SMYD3: variants seen among roughly 807,000 people sequenced by gnomAD.
The protein encoded by SMYD3 is SET and MYND domain containing 3.
SMYD3 carries 36 observed loss-of-function variants against 57.7 expected under a neutral mutation model. The ratio of observed to expected loss-of-function variants is 0.62; its 90% CI spans 0.48 to 0.82. SMYD3 has a LOEUF of 0.82. Among genes scored for constraint, SMYD3 ranks in the 40% least tolerant of loss-of-function variants. The pLI is 0.00. For missense variants in SMYD3, 515 were observed against 538.8 expected (o/e 0.96, Z 0.44); for synonymous variants, 211 against 195.0 (o/e 1.08, Z -0.68).
chr1:245,810,790 C>T (rs2048424122), intron 10 of SMYD3, among the ~76,000 whole-genome samples: 1 of 151,282 alleles, frequency 6.6e-6, no homozygotes, highest in African/African-American at 2.4e-5. Context: ...CAAAGAATTC[C>T]CCAACAGCAA....
intron 5 of SMYD3, among the ~76,000 whole-genome samples, chr1:246,161,082 A>T (rs528121921): frequency 5.9e-5 from 9 of 152,118 alleles, no homozygotes; most frequent in Non-Finnish European, 1.0e-4. Flanking sequence ...GCTCTAGGTA[A>T]GCCTCATTCT....
At chr1:246,017,265 C>T (rs1022829787) in intron 5 of SMYD3, among the ~76,000 whole-genome samples, 1 of 152,146 alleles carries the variant, frequency 6.6e-6, no homozygotes, top group Non-Finnish European at 1.5e-5. Flanking sequence ...GTTGCCAACA[C>T]AATGGCCCAT....
intron 5 of SMYD3, among the ~76,000 whole-genome samples, chr1:246,002,131 C>T (rs1042844830): frequency 2.6e-5 from 4 of 152,104 alleles, no homozygotes; most frequent in Non-Finnish European, 5.9e-5. Flanking sequence ...CACTGAGAAG[C>T]GCATGCCAGT....
At chr1:246,436,901 T>TTTC (rs10644527) in intron 1 of SMYD3, among the ~76,000 whole-genome samples, 176 of 36,650 alleles carry the variant, frequency 4.8e-3, no homozygotes, top group African/African-American at 0.024. Context: ...AGTTTCTTTC[T>TTTC]TTTTTTTTTT....
At chr1:245,892,108 G>T (rs2053424345) in intron 8 of SMYD3, among the ~76,000 whole-genome samples, 1 of 152,004 alleles carries the variant, frequency 6.6e-6, no homozygotes, top group South Asian at 2.1e-4. Flanking sequence ...CAAACAAGAG[G>T]CACTAGGCAC....
intron 10 of SMYD3, among the ~76,000 whole-genome samples, chr1:245,850,170 T>A (rs1227336520): frequency 6.6e-6 from 1 of 152,182 alleles, no homozygotes; most frequent in Admixed American, 6.5e-5. Context: ...CCTGGCCAGA[T>A]GTAAAGCCAC....
chr1:246,125,077 A>ACACACACACAC (rs1553295580), intron 5 of SMYD3, among the ~76,000 whole-genome samples: 11,210 of 104,098 alleles, frequency 0.11, 549 homozygotes, highest in Admixed American at 0.22. Context: ...GTCTCAAAAA[A>ACACACACACAC]AAAAAAAAAA....
At chr1:245,889,610 T>G (rs2053269783) in intron 8 of SMYD3, among the ~76,000 whole-genome samples, 1 of 152,226 alleles carries the variant, frequency 6.6e-6, no homozygotes, top group Non-Finnish European at 1.5e-5. Flanking sequence ...TTTGTTTCAT[T>G]GTGAGATTCC....
Position 246,247,482 on chromosome 1 carries a change from TATA to T in SMYD3, c.531+79716_531+79718del, listed in dbSNP as rs1558347040. Reference sequence around the variant, plus strand: ...CTCTCTCTCTATATATATATATATATATATTTTTTAACATGGGACTCATATATA... The same window carrying T: ...CTCTCTCTCTATATATATATATATATTTTTTTAACATGGGACTCATATATA... On this transcript the variant is annotated intron_variant, in intron 5 of 11. Transcript: ENST00000490107. 8.7e-5 allele frequency among the ~76,000 whole-genome samples: 12 copies of T among 138,288 alleles called. No homozygotes were observed. In the East Asian group the frequency reaches 1.5e-3, roughly 18 times the overall value. The allele number at this position is 138,288 out of a possible 152,430, so 90.7% of individuals were successfully genotyped here. A position where few individuals can be genotyped will look rare whatever the true frequency, so the allele number is the denominator to read the frequency against.
intron 5 of SMYD3, among the ~76,000 whole-genome samples, chr1:246,171,444 C>T (rs2062330913): frequency 6.6e-6 from 1 of 152,058 alleles, no homozygotes; most frequent in Non-Finnish European, 1.5e-5. Flanking sequence ...AGAGCTTACA[C>T]CTGAGAGTAC....
intron 5 of SMYD3, among the ~76,000 whole-genome samples, chr1:245,955,143 C>G (rs6695725): frequency 0.17 from 25,692 of 152,090 alleles, 2,425 homozygotes; most frequent in East Asian, 0.34. Context: ...CCAGGCTGGA[C>G]TGCAGTGGCG....
At chr1:245,900,193 C>T (rs992108700) in intron 8 of SMYD3, among the ~76,000 whole-genome samples, 3 of 152,100 alleles carry the variant, frequency 2.0e-5, no homozygotes, top group African/African-American at 7.2e-5. Context: ...AGACATTATG[C>T]ACTAGCTACC....
At chr1:246,233,672 G>A (rs2063462227) in intron 5 of SMYD3, among the ~76,000 whole-genome samples, 1 of 139,590 alleles carries the variant, frequency 7.2e-6, no homozygotes, top group Non-Finnish European at 1.5e-5. Flanking sequence ...ACCACACAGA[G>A]GAGAAGCACT....
intron 10 of SMYD3, among the ~76,000 whole-genome samples, chr1:245,824,124 G>A (rs2049332701): frequency 6.6e-6 from 1 of 152,146 alleles, no homozygotes; most frequent in South Asian, 2.1e-4. Context: ...AAAGCATCAG[G>A]GCCATGCCAT....
intron 5 of SMYD3, among the ~76,000 whole-genome samples, chr1:246,249,011 C>T (rs1445455517): frequency 6.6e-6 from 1 of 151,546 alleles, no homozygotes. Flanking sequence ...CAAATAAGAT[C>T]AAGAACAAGA....
intron 5 of SMYD3, among the ~76,000 whole-genome samples, chr1:246,082,534 C>T (rs1449353945): frequency 6.6e-6 from 1 of 152,124 alleles, no homozygotes; most frequent in African/African-American, 2.4e-5. Context: ...TCCCTAGCCC[C>T]TTGCCCGCCA....
At chr1:246,177,492 TAA>T (rs1216104605) in intron 5 of SMYD3, among the ~76,000 whole-genome samples, 2 of 151,856 alleles carry the variant, frequency 1.3e-5, no homozygotes, top group African/African-American at 4.8e-5. Flanking sequence ...AGCACAAACA[TAA>T]AATCAAGAGA....
chr1:246,326,467 T>TTA (rs1433406677), intron 5 of SMYD3: 12 of 535,892 alleles, frequency 2.2e-5, no homozygotes, highest in African/African-American at 1.3e-4. Context: ...CGGAATCATT[T>TTA]AAAAAAAAAA....
intron 1 of SMYD3, among the ~76,000 whole-genome samples, chr1:246,440,638 G>A (rs761820808): frequency 3.3e-5 from 5 of 152,026 alleles, no homozygotes; most frequent in African/African-American, 7.2e-5. Context: ...TAAAAACTAC[G>A]TTAAAATAAA....
Sources: gnomAD v4.1 joint callset for allele counts (sites outside exome capture counted in the v4.1 genomes callset) on GRCh38, gnomAD v4.1.1 for gene constraint, MANE v1.5 for transcripts, NCBI Gene and HGNC (gene_info 2026-07-23, HGNC 2026-07-21) for gene names.